The following SKIL variants were observed in gnomAD, a reference collection of about 807,000 sequenced individuals.
SKIL encodes the protein ski-like protein.
A neutral mutation model predicts 69.6 loss-of-function variants in SKIL; 20 were observed. The observed-to-expected ratio is 0.29, with a 90% CI of 0.20 to 0.42. The LOEUF (loss-of-function observed/expected upper bound fraction) is 0.42, where lower values mean the gene tolerates loss of function less well. Among genes scored for constraint, SKIL ranks in the 10% least tolerant of loss-of-function variants. The probability of loss-of-function intolerance (pLI) is 1.00; values close to 1 mark genes in which losing one functional copy is unlikely to be tolerated. For synonymous variants in SKIL, 310 were observed against 279.9 expected, an observed-to-expected ratio of 1.11 and a Z score of -1.08; for missense variants, 745 against 783.1, an observed-to-expected ratio of 0.95 and a Z score of 0.58.
At chr3:170,370,186 C>A (rs1338165765) in intron 2 of SKIL, among the ~76,000 whole-genome samples, 3 of 152,016 alleles carry the variant, frequency 2.0e-5, no homozygotes, top group African/African-American at 7.2e-5. Context: ...TTGCAGTGAG[C>A]CGAGATCGCG....
At position 170,359,746 on chromosome 3, in the gene SKIL, ATTT is replaced by A. The variant is rs1736127287; in HGVS notation, c.-582_-580del. On this transcript the variant is annotated 5_prime_UTR_variant, in exon 2 of 7. Transcript: ENST00000259119. ...TATAATCCTTGAAGATAACTGGGCA[ATTT>A]TTTAAGTCGGAGGCTGTTCTTACTG... 6.6e-6 allele frequency: 1 copy of A among 152,164 alleles called. No homozygotes were observed. The highest frequency in any genetic ancestry group is 2.4e-5 in the African/African-American group (1 of 41,424). The allele number at this position is 152,164 out of a possible 1,614,324, so 9.4% of individuals were successfully genotyped here.
At chr3:170,380,754 G>C (rs1481926715) in intron 2 of SKIL, among the ~76,000 whole-genome samples, 1 of 152,158 alleles carries the variant, frequency 6.6e-6, no homozygotes, top group African/African-American at 2.4e-5. Flanking sequence ...CTTGTGATGG[G>C]ATAGTTCATG....
chr3:170,367,477 TTA>T (rs150225011), intron 2 of SKIL, among the ~76,000 whole-genome samples: 103,395 of 143,502 alleles, frequency 0.72, 38,052 homozygotes, highest in East Asian at 0.86. Flanking sequence ...TTTTTTTTTT[TTA>T]AATTGAGATG....
chr3:170,392,031 T>TG (rs1275574453), intron 6 of SKIL, among the ~76,000 whole-genome samples: 1 of 152,230 alleles, frequency 6.6e-6, no homozygotes, highest in Non-Finnish European at 1.5e-5. Flanking sequence ...TAGGGCATAA[T>TG]GAACATGAAC....
chr3:170,373,796 C>T (rs34392658), intron 2 of SKIL, among the ~76,000 whole-genome samples: 113,802 of 152,048 alleles, frequency 0.75, 43,339 homozygotes, highest in East Asian at 0.84. Context: ...GAGGCTGAGG[C>T]ACGAGGATCC....
At chr3:170,366,833 T>C (rs147117957) in intron 2 of SKIL, among the ~76,000 whole-genome samples, 1 of 152,332 alleles carries the variant, frequency 6.6e-6, no homozygotes, top group Non-Finnish European at 1.5e-5. Flanking sequence ...ACTGTATAAA[T>C]ACATGCAAAC....
rs59222162 is a variant in SKIL, at chr3:170,365,752, C to CT, written c.1098+4344dup. On this transcript the variant is annotated intron_variant, in intron 2 of 6. Coordinates refer to ENST00000259119, the MANE Select transcript of SKIL (RefSeq NM_005414.5). ...GCTCATTTTAAAAAGTCAAACTAGG[C>CT]TTTTTTTTTTTTTTTTTTTTTGAGA... 1.0e-3 allele frequency among the ~76,000 whole-genome samples: 107 copies of CT among 106,446 alleles called. 1 individual carries two copies. Among genetic ancestry groups the CT allele is most frequent in the South Asian group, 2.8e-3 (9 of 3,230 alleles). 69.8% of individuals were successfully genotyped at this position (106,446 alleles called of 152,430 possible).
intron 2 of SKIL, among the ~76,000 whole-genome samples, chr3:170,377,542 CTTTTT>C (rs749615295): frequency 4.0e-4 from 31 of 77,340 alleles, no homozygotes; most frequent in African/African-American, 1.3e-3. Flanking sequence ...CTCAATAATT[CTTTTT>C]TTTTTTTTTT....
intron 2 of SKIL, among the ~76,000 whole-genome samples, chr3:170,380,987 A>G (rs1223620620): frequency 1.4e-5 from 2 of 138,404 alleles, no homozygotes. Context: ...CACCACTGCA[A>G]CTGGCTAATT....
chr3:170,368,946 G>C lies in SKIL; in HGVS notation c.1098+7517G>C, dbSNP rs115938701. Reference sequence around the variant, plus strand: ...GAATGATGGAGACCAATACAGACCTGCTTAGATTGGATAAGGTTTTGTTTA... The same window carrying C: ...GAATGATGGAGACCAATACAGACCTCCTTAGATTGGATAAGGTTTTGTTTA... On this transcript the variant is annotated intron_variant, in intron 2 of 6. Transcript: ENST00000259119. Among the ~76,000 whole-genome samples, 540 of 152,224 alleles carry C rather than the reference G, an allele frequency of 3.5e-3. 3 individuals are homozygous for C. Among genetic ancestry groups the C allele is most frequent in the African/African-American group, 0.012 (504 of 41,540 alleles).
At chr3:170,372,539 A>G (rs930738598) in intron 2 of SKIL, among the ~76,000 whole-genome samples, 6 of 152,142 alleles carry the variant, frequency 3.9e-5, no homozygotes, top group African/African-American at 9.7e-5. Context: ...ACCTTGTAAC[A>G]CTGTTCTGTT....
Position 170,391,238 on chromosome 3 carries a change from A to T in SKIL, c.1874A>T (p.Lys625Ile). ...TGTGACTCAAATTTAGAAAAAGACA[A>T]AGAGGCTGAATATGCAGGACAGGTA... Reference protein sequence around the residue: ...CTCDSNLEKDKEAEYAGQLAE... With the variant: ...CTCDSNLEKDIEAEYAGQLAE... Residue 625 changes from lysine (K) to isoleucine (I), a missense_variant, in exon 6 of 7, where the codon AAA (lysine) becomes ATA (isoleucine). Lys to Ile is a moderately radical substitution (Grantham distance 102, BLOSUM62 -3). Coordinates refer to ENST00000259119, the MANE Select transcript of SKIL (RefSeq NM_005414.5). 6.2e-7 allele frequency: 1 copy of T among 1,605,486 alleles called. No individual in the cohort carries two copies. Among genetic ancestry groups the T allele is most frequent in the Non-Finnish European group, 8.5e-7 (1 of 1,172,994 alleles).
intron 2 of SKIL, among the ~76,000 whole-genome samples, chr3:170,367,083 T>C (rs1736566753): frequency 6.6e-6 from 1 of 152,234 alleles, no homozygotes; most frequent in Non-Finnish European, 1.5e-5. Context: ...TCATTTGTTG[T>C]AGGTGATTCT....
chr3:170,385,850 G>T, intron 4 of SKIL, among the ~76,000 whole-genome samples: 1 of 148,996 alleles, frequency 6.7e-6, no homozygotes, highest in Admixed American at 6.7e-5. Flanking sequence ...TGCCCAGGCT[G>T]GAGTAAAATG....
chr3:170,364,363 G>T lies in SKIL; in HGVS notation c.1098+2934G>T, dbSNP rs565816585. On this transcript the variant is annotated intron_variant, in intron 2 of 6. Coordinates refer to ENST00000259119, the MANE Select transcript of SKIL (RefSeq NM_005414.5). ...TTTGAGACAGAGTTTCGCTCTTATT[G>T]CCCAGGCTGGAGTACAATGGCGCGA... Among the ~76,000 whole-genome samples, 4 of 113,670 alleles carry T rather than the reference G, an allele frequency of 3.5e-5. No individual in the cohort carries two copies. The East Asian group carries it at 8.0e-4, about 23-fold the overall frequency. The allele number at this position is 113,670 out of a possible 152,430, so 74.6% of individuals were successfully genotyped here.
Position 170,360,704 on chromosome 3 carries a change from C to G in SKIL, c.373C>G (p.Pro125Ala). The G allele has an allele frequency of 6.2e-7, 1 of 1,614,212 alleles. No individual in the cohort carries two copies. The highest frequency in any genetic ancestry group is 1.1e-5 in the South Asian group (1 of 91,082). ...SMSPTVFLPL[P>A]SPQVLPGPLL... Reference sequence around the variant, plus strand: ...GTCGCCTACTGTATTTCTGCCTCTTCCATCACCTCAGGTTCTTCCTGGCCC... The same window carrying G: ...GTCGCCTACTGTATTTCTGCCTCTTGCATCACCTCAGGTTCTTCCTGGCCC... The change falls in exon 2 of 7, where the codon CCA becomes GCA. Residue 125 changes from proline (P) to alanine (A), a missense_variant. Transcript: ENST00000259119.
chr3:170,382,760 C>T lies in SKIL; in HGVS notation c.1196+1419C>T, dbSNP rs185569938. Among the ~76,000 whole-genome samples the T allele has an allele frequency of 3.1e-3, 455 of 148,958 alleles. 2 individuals are homozygous for T. Among genetic ancestry groups the T allele is most frequent in the Non-Finnish European group, 4.0e-3 (272 of 67,578 alleles). ...TTGAGATGGAGTCTCGCTCTGTTGC[C>T]CAGGCTGGAGTGCAATGGTATGATC... On this transcript the variant is annotated intron_variant, in intron 3 of 6. Coordinates refer to ENST00000259119, the MANE Select transcript of SKIL (RefSeq NM_005414.5).
intron 4 of SKIL, among the ~76,000 whole-genome samples, chr3:170,389,061 C>CA (rs1737783969): frequency 6.6e-6 from 1 of 151,046 alleles, no homozygotes; most frequent in Non-Finnish European, 1.5e-5. Context: ...TTAGTAGAGA[C>CA]AGAGTTTTAC....
At position 170,394,105 on chromosome 3, in the gene SKIL, G is replaced by A. The variant is rs1349950152; in HGVS notation, c.*1688G>A. On this transcript the variant is annotated 3_prime_UTR_variant, in exon 7 of 7. Coordinates refer to ENST00000259119, the MANE Select transcript of SKIL (RefSeq NM_005414.5). ...GGAGGAACAAATATTAAAATGACATGTAGAAACAAATTTTTTTTTTTTTTT... is the reference window on the plus strand; with the variant it reads ...GGAGGAACAAATATTAAAATGACATATAGAAACAAATTTTTTTTTTTTTTT... 3 of 142,020 alleles carry A rather than the reference G, an allele frequency of 2.1e-5. No homozygotes were observed. The highest frequency in any genetic ancestry group is 4.5e-5 in the Non-Finnish European group (3 of 66,198). The allele number at this position is 142,020 out of a possible 1,614,324, so 8.8% of individuals were successfully genotyped here. A position where few individuals can be genotyped will look rare whatever the true frequency, so the allele number is the denominator to read the frequency against.
Sources: gnomAD v4.1 joint callset for allele counts (sites outside exome capture counted in the v4.1 genomes callset) on GRCh38, gnomAD v4.1.1 for gene constraint, MANE v1.5 for transcripts, NCBI Gene and HGNC (gene_info 2026-07-23, HGNC 2026-07-21) for gene names.